SCNN1A: variants seen among roughly 807,000 people sequenced by gnomAD.
The protein encoded by SCNN1A is epithelial sodium channel subunit alpha.
SCNN1A carries 65 observed loss-of-function variants against 68.6 expected under a neutral mutation model. The observed-to-expected ratio is 0.95, with a 90% CI of 0.78 to 1.16. The LOEUF (loss-of-function observed/expected upper bound fraction) is 1.16. Ranked by LOEUF, SCNN1A falls within the 50% of genes most tolerant of loss-of-function variation. The pLI, the probability that SCNN1A is intolerant of heterozygous loss-of-function variation, is 0.00. For synonymous variants in SCNN1A, 357 were observed against 353.3 expected (o/e 1.01, Z -0.12); for missense variants, 880 against 865.9 (o/e 1.02, Z -0.20).
Position 6,347,773 on chromosome 12 carries a change from G to T in SCNN1A, c.*100C>A. On this transcript the variant is annotated 3_prime_UTR_variant, in exon 13 of 13. Transcript: ENST00000228916. ...CCACACATCAACGGCAGTTTGGGCG[G>T]CTCTGAGAGGAAGCCCTGCACATCC... The T allele has an allele frequency of 9.5e-7, 1 of 1,053,104 alleles. No individual in the cohort carries two copies. Among genetic ancestry groups the T allele is most frequent in the Non-Finnish European group, 1.4e-6 (1 of 697,040 alleles). 65.2% of individuals were successfully genotyped at this position (1,053,104 alleles called of 1,614,324 possible). A position where few individuals can be genotyped will look rare whatever the true frequency, so the allele number is the denominator to read the frequency against.
chr12:6,362,003 G>C, intron 4 of SCNN1A, 48 bp downstream of exon 4: 1 of 1,598,886 alleles, frequency 6.3e-7, no homozygotes, highest in Non-Finnish European at 8.6e-7. Context: ...GGCTGACCCA[G>C]GGAAGCGGAC....
At chr12:6,353,113 C>T (rs1948418321) in intron 8 of SCNN1A, among the ~76,000 whole-genome samples, 2 of 152,196 alleles carry the variant, frequency 1.3e-5, no homozygotes, top group South Asian at 4.1e-4. Flanking sequence ...TGGCACACGA[C>T]TTCCCTGCCA....
intron 8 of SCNN1A, 37 bp from the exon 9 acceptor site, chr12:6,349,442 C>A (rs755483010): frequency 2.0e-5 from 30 of 1,470,264 alleles, no homozygotes; most frequent in Non-Finnish European, 2.7e-5. Flanking sequence ...TCCTAGGGCA[C>A]CTCAGCTTTC....
chr12:6,363,424 T>G lies in SCNN1A; in HGVS notation c.684+19A>C, dbSNP rs776195001. On this transcript the variant is annotated intron_variant, in intron 3 of 12. Coordinates refer to ENST00000228916, the MANE Select transcript of SCNN1A (RefSeq NM_001038.6). The stretch of plus-strand genomic sequence containing the variant: ...GCCGGCGAGGGGCGGGGCGGGCCCC[T>G]CGGCGCTGCGGGCCTCACCAGCTGG... 21 of 1,518,006 alleles carry G rather than the reference T, an allele frequency of 1.4e-5. No homozygotes were observed. Among genetic ancestry groups the G allele is most frequent in the Admixed American group, 2.1e-5 (1 of 47,180 alleles). 94.0% of individuals were successfully genotyped at this position (1,518,006 alleles called of 1,614,324 possible).
At chr12:6,353,996 C>T (rs931671739) in intron 8 of SCNN1A, 3 of 179,950 alleles carry the variant, frequency 1.7e-5, no homozygotes, top group South Asian at 1.0e-4. Flanking sequence ...AGAGGGAGGC[C>T]GAGGCGGGTG....
Position 6,348,215 on chromosome 12 carries a change from G to T in SCNN1A, c.1668C>A (p.Ser556Arg). 1 of 1,614,128 alleles carries T rather than the reference G, an allele frequency of 6.2e-7. No individual in the cohort carries two copies. Among genetic ancestry groups the T allele is most frequent in the Non-Finnish European group, 8.5e-7 (1 of 1,180,028 alleles). Reference sequence around the variant, plus strand: ...ACAACACCGAGGAGCCGAACCACAGGCTCCACTGGCTGCCCAGGTTGGACA... The same window carrying T: ...ACAACACCGAGGAGCCGAACCACAGTCTCCACTGGCTGCCCAGGTTGGACA... Reference protein sequence around the residue: ...TLLSNLGSQWSLWFGSSVLSV... With the variant: ...TLLSNLGSQWRLWFGSSVLSV... The change falls in exon 13 of 13, where the codon AGC (serine) becomes AGA (arginine). Residue 556 changes from serine to arginine, a missense_variant. This residue lies in a region of SCNN1A where 758 missense variants were observed against 721.8 expected (regional missense o/e 1.05). Transcript: ENST00000228916.
chr12:6,376,883 C>CG (rs3834495), upstream of SCNN1A, among the ~76,000 whole-genome samples: 18 of 152,320 alleles, frequency 1.2e-4, no homozygotes, highest in East Asian at 3.5e-3. Flanking sequence ...TGATACACAC[C>CG]GGGGGAGGAG....
Position 6,348,735 on chromosome 12 carries a change from A to T in SCNN1A, c.1621T>A (p.Ser541Thr), listed in dbSNP as rs1167888500. Residue 541 changes from serine to threonine, a missense_variant, in exon 12 of 13, where the codon TCT (serine) becomes ACT (threonine). This residue lies in a region of SCNN1A where 758 missense variants were observed against 721.8 expected (regional missense o/e 1.05). Coordinates refer to ENST00000228916, the MANE Select transcript of SCNN1A (RefSeq NM_001038.6). Reference protein sequence around the residue: ...LNYKTNSESPSVTMVTLLSNL... With the variant: ...LNYKTNSESPTVTMVTLLSNL... Reference sequence around the variant, plus strand: ...ATCCAGGCACGACCTACCGTGACAGAGGGAGACTCAGAATTGGTTTTGTAG... The same window carrying T: ...ATCCAGGCACGACCTACCGTGACAGTGGGAGACTCAGAATTGGTTTTGTAG... The T allele has an allele frequency of 1.9e-6, 3 of 1,612,954 alleles. No homozygotes were observed. Among genetic ancestry groups the T allele is most frequent in the Non-Finnish European group, 2.5e-6 (3 of 1,179,588 alleles).
upstream of SCNN1A, chr12:6,377,187 T>C (rs2136919707): frequency 1.4e-6 from 2 of 1,416,924 alleles, no homozygotes; most frequent in East Asian, 5.0e-5. Flanking sequence ...TGCGGCAGTC[T>C]CTTGCGACTT....
chr12:6,355,900 T>TAATTCCTTATC lies in SCNN1A; in HGVS notation c.876-21_876-20insGATAAGGAATT. On this transcript the variant is annotated intron_variant, in intron 4 of 12. Transcript: ENST00000228916. Reference sequence around the variant, plus strand: ...TAATTCCTTATCAGGAAAGAGAGAGTAGGGTCAGAGAGGAAAGTGTAGGTG... The same window carrying TAATTCCTTATC: ...TAATTCCTTATCAGGAAAGAGAGAGTAATTCCTTATCAGGGTCAGAGAGGAAAGTGTAGGTG... 6.8e-7 allele frequency: 1 copy of TAATTCCTTATC among 1,480,756 alleles called. No homozygotes were observed. Among genetic ancestry groups the TAATTCCTTATC allele is most frequent in the Non-Finnish European group, 9.4e-7 (1 of 1,058,474 alleles). 91.7% of individuals were successfully genotyped at this position (1,480,756 alleles called of 1,614,324 possible). A position where few individuals can be genotyped will look rare whatever the true frequency, so the allele number is the denominator to read the frequency against.
chr12:6,368,330 C>G (rs192517620), intron 2 of SCNN1A, among the ~76,000 whole-genome samples: 1 of 152,114 alleles, frequency 6.6e-6, no homozygotes, highest in Non-Finnish European at 1.5e-5. Flanking sequence ...CAGAAACACC[C>G]GGATTGGTTA....
In SCNN1A at chr12:6,354,570, G is replaced by A. The variant is rs780650618; in HGVS notation, c.1243-15C>T. 9 of 1,589,822 alleles carry A rather than the reference G, an allele frequency of 5.7e-6. No individual in the cohort carries two copies. The highest frequency in any genetic ancestry group is 7.8e-6 in the Non-Finnish European group (9 of 1,158,066). On this transcript the variant is annotated splice_polypyrimidine_tract_variant and intron_variant, in intron 7 of 12. Coordinates refer to ENST00000228916, the MANE Select transcript of SCNN1A (RefSeq NM_001038.6). ...TGAATACACACCTGGAAGGGAGGAG[G>A]GTGGAGAGGAGAGGGGGTTCAGGCC... is the stretch of plus-strand genomic sequence containing the variant.
chr12:6,352,310 T>C (rs1476095506), intron 8 of SCNN1A, among the ~76,000 whole-genome samples: 1 of 152,214 alleles, frequency 6.6e-6, no homozygotes, highest in Non-Finnish European at 1.5e-5. Flanking sequence ...AAGGTTATTT[T>C]GTCATTATTG....
intron 2 of SCNN1A, among the ~76,000 whole-genome samples, chr12:6,369,311 C>CCCTACGCACCTCCCTCCTGCCAT (rs1565485339): frequency 2.9e-5 from 4 of 137,078 alleles, no homozygotes; most frequent in Non-Finnish European, 6.8e-5. Context: ...CCTCCTGCCA[C>CCCTACGCACCTCCCTCCTGCCAT]CCTACGCACC....
upstream of SCNN1A, chr12:6,377,060 T>A (rs748748399): frequency 8.3e-5 from 45 of 541,638 alleles, no homozygotes; most frequent in Non-Finnish European, 1.1e-4. Flanking sequence ...TCAGGAAGCC[T>A]TCCCAGAGAA....
Position 6,351,855 on chromosome 12 carries a change from G to T in SCNN1A, c.1361-2450C>A, listed in dbSNP as rs1371661900. 6.6e-6 allele frequency among the ~76,000 whole-genome samples: 1 copy of T among 151,988 alleles called. No individual in the cohort carries two copies. Among genetic ancestry groups the T allele is most frequent in the Non-Finnish European group, 1.5e-5 (1 of 67,996 alleles). On this transcript the variant is annotated intron_variant, in intron 8 of 12. Coordinates refer to ENST00000228916, the MANE Select transcript of SCNN1A (RefSeq NM_001038.6). This position sits in a 1 kb window ranked among gnomAD's most constrained non-coding sequence, Gnocchi z 4.2. Reference sequence around the variant, plus strand: ...GCTCACTGCAGCCTTGACCTCCTGGGCTCAGGTGATTCTCCCAGCTCAGCC... The same window carrying T: ...GCTCACTGCAGCCTTGACCTCCTGGTCTCAGGTGATTCTCCCAGCTCAGCC...
rs898175436 is a variant in SCNN1A, at chr12:6,372,257, C to G, written c.416+2111G>C. On this transcript the variant is annotated intron_variant, in intron 2 of 12. Coordinates refer to ENST00000228916, the MANE Select transcript of SCNN1A (RefSeq NM_001038.6). The surrounding 1 kb of genome is among the most constrained non-coding windows in gnomAD (Gnocchi z 5.8). ...AATGGGAATAATACTGCCCACCTCC[C>G]TGGACTTGTCAGTATTAAATGAGAG... Among the ~76,000 whole-genome samples the G allele has an allele frequency of 6.6e-6, 1 of 152,214 alleles. No homozygotes were observed. The highest frequency in any genetic ancestry group is 1.5e-5 in the Non-Finnish European group (1 of 68,048).
rs375389891 is a variant in SCNN1A, at chr12:6,348,576, C to T, written c.1629+151G>A. 4.9e-6 allele frequency: 4 copies of T among 809,062 alleles called. No individual in the cohort carries two copies. In the African/African-American group the frequency reaches 7.0e-5, roughly 14 times the overall value. 50.1% of individuals were successfully genotyped at this position (809,062 alleles called of 1,614,324 possible). The stretch of plus-strand genomic sequence containing the variant: ...GGCCGAGCTCCTTCTTCCAACCCTC[C>T]CAACCTCTCCCTTGACCCTCTTCTT... On this transcript the variant is annotated intron_variant, in intron 12 of 12. Transcript: ENST00000228916.
At chr12:6,358,538 C>T (rs1213199124) in intron 4 of SCNN1A, among the ~76,000 whole-genome samples, 3 of 152,038 alleles carry the variant, frequency 2.0e-5, no homozygotes, top group African/African-American at 4.8e-5. Context: ...AGAAACAATC[C>T]AAATGTCCAT....
Sources: gnomAD v4.1 joint callset for allele counts (sites outside exome capture counted in the v4.1 genomes callset) on GRCh38, gnomAD v4.1.1 for gene constraint, gnomAD v4.1.1 regional missense constraint, Gnocchi (gnomAD v3.1) non-coding constraint, MANE v1.5 for transcripts, NCBI Gene and HGNC (gene_info 2026-07-23, HGNC 2026-07-21) for gene names.